Variants in CRYL1 observed in about 807,000 individuals in gnomAD.
CRYL1 encodes the protein lambda-crystallin homolog.
CRYL1 carries 29 observed loss-of-function variants against 36.6 expected under a neutral mutation model. That is an observed-to-expected ratio of 0.79 (90% CI 0.59 to 1.08). The LOEUF is 1.08. Among genes scored for constraint, CRYL1 ranks in the 50% least tolerant of loss-of-function variants. CRYL1 has a pLI of 0.00. For synonymous variants in CRYL1, 152 were observed against 151.5 expected (o/e 1.00, Z -0.02); for missense variants, 411 against 407.9 (o/e 1.01, Z -0.06).
chr13:20,510,346 T>G (rs569304307), intron 2 of CRYL1, among the ~76,000 whole-genome samples: 1 of 152,236 alleles, frequency 6.6e-6, no homozygotes, highest in African/African-American at 2.4e-5. Context: ...TGAAAAGACA[T>G]GGAGGAAACT....
intron 2 of CRYL1, among the ~76,000 whole-genome samples, chr13:20,490,597 C>A (rs181944584): frequency 6.6e-6 from 1 of 151,414 alleles, no homozygotes; most frequent in Non-Finnish European, 1.5e-5. Context: ...ATTACATACA[C>A]TTTACCACAA....
At chr13:20,448,656 C>T (rs924426927) in intron 3 of CRYL1, among the ~76,000 whole-genome samples, 1 of 152,130 alleles carries the variant, frequency 6.6e-6, no homozygotes, top group Non-Finnish European at 1.5e-5. Context: ...AATGCAATGA[C>T]ATTTTTTAAG....
chr13:20,477,989 A>G (rs1346267399), intron 3 of CRYL1, among the ~76,000 whole-genome samples: 2 of 145,562 alleles, frequency 1.4e-5, no homozygotes, highest in Non-Finnish European at 3.0e-5. Flanking sequence ...ATATATATGT[A>G]TATAAAAATA....
chr13:20,431,367 C>T, intron 5 of CRYL1: 3 of 985,436 alleles, frequency 3.0e-6, no homozygotes, highest in Non-Finnish European at 3.6e-6. Flanking sequence ...GTTTTTGCAA[C>T]ACAGGCGTGG....
chr13:20,443,817 T>C (rs1356198019), intron 3 of CRYL1, among the ~76,000 whole-genome samples: 2 of 152,214 alleles, frequency 1.3e-5, no homozygotes, highest in African/African-American at 4.8e-5. Flanking sequence ...CTTCAATACT[T>C]AGAGTACTTT....
chr13:20,426,130 G>A (rs560794639), intron 5 of CRYL1, among the ~76,000 whole-genome samples: 90 of 152,266 alleles, frequency 5.9e-4, no homozygotes, highest in Non-Finnish European at 1.2e-3. Flanking sequence ...CCCCTGGGGC[G>A]TCACTCTCCA....
At chr13:20,512,379 A>G (rs2033930411) in intron 2 of CRYL1, 64 bp downstream of exon 2, 1 of 1,185,190 alleles carries the variant, frequency 8.4e-7, no homozygotes, top group Non-Finnish European at 1.2e-6. Context: ...GGATATGACA[A>G]ACAAGACCAA....
intron 3 of CRYL1, among the ~76,000 whole-genome samples, chr13:20,453,332 G>C (rs1464965799): frequency 6.6e-6 from 1 of 151,738 alleles, no homozygotes; most frequent in Admixed American, 6.6e-5. Flanking sequence ...AATTAACCAA[G>C]ACACTTCCAA....
intron 3 of CRYL1, among the ~76,000 whole-genome samples, chr13:20,470,910 C>CAAAAAAAAAAAAAAAAAAA (rs11353451): frequency 6.4e-4 from 26 of 40,888 alleles, no homozygotes; most frequent in African/African-American, 2.2e-3. Context: ...AACTCCATCT[C>CAAAAAAAAAAAAAAAAAAA]AAAAAAAAAA....
chr13:20,523,680 A>G (rs2034136401), intron 1 of CRYL1, among the ~76,000 whole-genome samples: 1 of 152,128 alleles, frequency 6.6e-6, no homozygotes, highest in Non-Finnish European at 1.5e-5. Flanking sequence ...ACTGTCCCAG[A>G]GGCAGAGCTG....
At chr13:20,498,444 C>CG (rs1372714200) in intron 2 of CRYL1, among the ~76,000 whole-genome samples, 6 of 152,150 alleles carry the variant, frequency 3.9e-5, no homozygotes, top group African/African-American at 1.4e-4. Context: ...TACACACACA[C>CG]TGCCTAATGG....
At chr13:20,468,554 G>A (rs191486096) in intron 3 of CRYL1, among the ~76,000 whole-genome samples, 5 of 152,292 alleles carry the variant, frequency 3.3e-5, no homozygotes, top group Admixed American at 1.3e-4. Context: ...AGCCAGCTTC[G>A]AAGCCTTCTT....
rs374319023 is a variant in CRYL1 at position 20,466,114 on chromosome 13, G to A, written c.276+23256C>T. ...CTTCTTGAAGAGCCTGCAGAACCAA[G>A]AGCCAAATAAACATCTTTTCTTTAT... On this transcript the variant is annotated intron_variant, in intron 3 of 7. Coordinates refer to ENST00000298248, the MANE Select transcript of CRYL1 (RefSeq NM_015974.3). 7.9e-5 allele frequency among the ~76,000 whole-genome samples: 12 copies of A among 152,238 alleles called. No individual in the cohort carries two copies. The South Asian group carries it at 2.5e-3, about 32-fold the overall frequency.
At chr13:20,468,561 T>C (rs2032989616) in intron 3 of CRYL1, among the ~76,000 whole-genome samples, 1 of 152,240 alleles carries the variant, frequency 6.6e-6, no homozygotes, top group East Asian at 1.9e-4. Context: ...TTCGAAGCCT[T>C]CTTTCTAGAG....
intron 1 of CRYL1, among the ~76,000 whole-genome samples, chr13:20,517,361 G>A (rs996130851): frequency 5.3e-5 from 8 of 151,874 alleles, no homozygotes; most frequent in African/African-American, 1.9e-4. Flanking sequence ...TTGGGAGACC[G>A]AGGCAGGTGG....
chr13:20,492,013 T>C (rs968581338), intron 2 of CRYL1, among the ~76,000 whole-genome samples: 1 of 152,080 alleles, frequency 6.6e-6, no homozygotes, highest in Admixed American at 6.5e-5. Flanking sequence ...GAGGGAAATA[T>C]AACAAAAAGG....
chr13:20,412,300 C>G (rs1477250519), intron 6 of CRYL1, among the ~76,000 whole-genome samples: 2 of 152,120 alleles, frequency 1.3e-5, no homozygotes, highest in Admixed American at 6.5e-5. Flanking sequence ...AGACTCTGGT[C>G]ACTTTTTTCT....
chr13:20,525,637 G>A lies in CRYL1; in HGVS notation c.41+117C>T. The stretch of plus-strand genomic sequence containing the variant: ...GCAGGGCGCAGGGCTTCGGAGGACC[G>A]GAGGCCGGGGCGGGGACAGCGACCC... On this transcript the variant is annotated intron_variant, in intron 1 of 7. Transcript: ENST00000298248. This position sits in a 1 kb window ranked among gnomAD's most constrained non-coding sequence, Gnocchi z 4.3. 2 of 851,994 alleles carry A rather than the reference G, an allele frequency of 2.3e-6. No individual in the cohort carries two copies. Among genetic ancestry groups the A allele is most frequent in the Non-Finnish European group, 1.6e-6 (1 of 638,910 alleles). 52.8% of individuals were successfully genotyped at this position (851,994 alleles called of 1,614,324 possible).
chr13:20,443,696 C>G (rs2032396405), intron 3 of CRYL1, among the ~76,000 whole-genome samples: 1 of 152,110 alleles, frequency 6.6e-6, no homozygotes, highest in Admixed American at 6.6e-5. Context: ...CCTGGCCAAC[C>G]CAGGCATTTT....
Sources: gnomAD v4.1 joint callset for allele counts (sites outside exome capture counted in the v4.1 genomes callset) on GRCh38, gnomAD v4.1.1 for gene constraint, Gnocchi (gnomAD v3.1) non-coding constraint, MANE v1.5 for transcripts, NCBI Gene and HGNC (gene_info 2026-07-23, HGNC 2026-07-21) for gene names.